The following AGBL4 variants were observed in gnomAD, a reference collection of about 807,000 sequenced individuals.
The protein encoded by AGBL4 is AGBL carboxypeptidase 4.
AGBL4 carries 58 observed loss-of-function variants against 66.4 expected under a neutral mutation model. That is an observed-to-expected ratio of 0.87 (90% confidence interval 0.71 to 1.09). The LOEUF is 1.09. Among genes scored for constraint, AGBL4 ranks in the 50% least tolerant of loss-of-function variants. The pLI is 0.00. For synonymous variants in AGBL4, 234 were observed against 222.9 expected (o/e 1.05, Z -0.44); for missense variants, 579 against 631.0 (o/e 0.92, Z 0.88).
At chr1:49,874,824 G>C (rs1646937551) in intron 1 of AGBL4, among the ~76,000 whole-genome samples, 1 of 151,668 alleles carries the variant, frequency 6.6e-6, no homozygotes, top group Admixed American at 6.6e-5. Flanking sequence ...GTTTTGTTTT[G>C]TTTTATTACT....
intron 5 of AGBL4, among the ~76,000 whole-genome samples, chr1:49,018,982 A>T (rs1054489951): frequency 6.6e-6 from 1 of 152,162 alleles, no homozygotes; most frequent in Non-Finnish European, 1.5e-5. Flanking sequence ...AACCAAAAAA[A>T]CAAACGATTC....
intron 3 of AGBL4, among the ~76,000 whole-genome samples, chr1:49,384,278 G>C (rs1304843215): frequency 6.6e-6 from 1 of 151,988 alleles, no homozygotes; most frequent in African/African-American, 2.4e-5. Flanking sequence ...AAATTCGGAA[G>C]AGACAATTGT....
At chr1:49,964,750 A>G (rs1321595383) in intron 1 of AGBL4, among the ~76,000 whole-genome samples, 1 of 152,162 alleles carries the variant, frequency 6.6e-6, no homozygotes, top group Non-Finnish European at 1.5e-5. Flanking sequence ...TGATTTCAAA[A>G]TTGATTAAAG....
intron 3 of AGBL4, among the ~76,000 whole-genome samples, chr1:49,557,586 C>G (rs971874543): frequency 6.6e-6 from 1 of 152,092 alleles, no homozygotes; most frequent in Non-Finnish European, 1.5e-5. Flanking sequence ...GAACTTCACC[C>G]AGCCCTAACC....
intron 6 of AGBL4, among the ~76,000 whole-genome samples, chr1:48,691,022 A>G (rs1487484306): frequency 2.6e-5 from 4 of 151,852 alleles, no homozygotes; most frequent in African/African-American, 9.7e-5. Flanking sequence ...AAAATTAGCC[A>G]GGTGTGGTGG....
chr1:48,704,985 G>A (rs1646859944), intron 6 of AGBL4, among the ~76,000 whole-genome samples: 1 of 152,178 alleles, frequency 6.6e-6, no homozygotes, highest in Non-Finnish European at 1.5e-5. Context: ...GCAATCATGT[G>A]AGTAATGCTT....
chr1:49,910,325 TGAA>T (rs1478511133), intron 1 of AGBL4, among the ~76,000 whole-genome samples: 1 of 151,756 alleles, frequency 6.6e-6, no homozygotes, highest in Non-Finnish European at 1.5e-5. Context: ...GTCAAGAAAA[TGAA>T]GAATGAGAAA....
chr1:49,398,195 T>TG (rs1351089815), intron 3 of AGBL4, among the ~76,000 whole-genome samples: 1 of 152,158 alleles, frequency 6.6e-6, no homozygotes, highest in African/African-American at 2.4e-5. Flanking sequence ...TCAGAAGAGA[T>TG]TAGCACTTGA....
intron 2 of AGBL4, among the ~76,000 whole-genome samples, chr1:49,739,536 A>C (rs1008803055): frequency 9.2e-5 from 14 of 152,212 alleles, no homozygotes; most frequent in African/African-American, 3.4e-4. Context: ...CAACATTCAG[A>C]TTCAGGAAAT....
At chr1:49,297,967 C>T (rs977087208) in intron 3 of AGBL4, among the ~76,000 whole-genome samples, 7 of 152,108 alleles carry the variant, frequency 4.6e-5, no homozygotes, top group South Asian at 4.1e-4. Context: ...CATCTGGATC[C>T]GCCCCCAACT....
intron 4 of AGBL4, among the ~76,000 whole-genome samples, chr1:49,232,247 C>T (rs1362214348): frequency 1.3e-5 from 2 of 152,082 alleles, no homozygotes; most frequent in East Asian, 3.9e-4. Context: ...CTTGATAAAG[C>T]CTTTATGAAA....
chr1:49,337,959 G>C (rs549983465), intron 3 of AGBL4, among the ~76,000 whole-genome samples: 32 of 152,270 alleles, frequency 2.1e-4, no homozygotes, highest in African/African-American at 7.5e-4. Flanking sequence ...GATCCATCAG[G>C]CTCCTGTGGG....
intron 4 of AGBL4, among the ~76,000 whole-genome samples, chr1:49,105,173 G>A (rs2148009179): frequency 6.6e-6 from 1 of 152,314 alleles, no homozygotes; most frequent in African/African-American, 2.4e-5. Context: ...AGCAAGTGCT[G>A]CCAGGTGGGA....
intron 5 of AGBL4, among the ~76,000 whole-genome samples, chr1:48,881,749 CTGAT>C (rs1279427302): frequency 6.6e-6 from 1 of 152,274 alleles, no homozygotes; most frequent in East Asian, 1.9e-4. Context: ...ATCAAAGACA[CTGAT>C]TGGGCCACCG....
intron 6 of AGBL4, among the ~76,000 whole-genome samples, chr1:48,828,464 ATTG>A (rs1010105912): frequency 1.3e-5 from 2 of 151,974 alleles, no homozygotes; most frequent in African/African-American, 4.8e-5. Context: ...GTATCTTCCT[ATTG>A]TTGCTAATCT....
chr1:49,625,436 C>G (rs1380897014), intron 3 of AGBL4, among the ~76,000 whole-genome samples: 1 of 152,168 alleles, frequency 6.6e-6, no homozygotes, highest in African/African-American at 2.4e-5. Flanking sequence ...GTCTGTTCCT[C>G]TTTCCTTGAC....
At chr1:49,458,776 G>A (rs1024740011) in intron 3 of AGBL4, among the ~76,000 whole-genome samples, 3 of 151,436 alleles carry the variant, frequency 2.0e-5, no homozygotes, top group Admixed American at 2.0e-4. Context: ...TAAAGGGATG[G>A]TGGATTTTGT....
intron 1 of AGBL4, among the ~76,000 whole-genome samples, chr1:49,913,632 A>G (rs1366680982): frequency 6.6e-6 from 1 of 152,252 alleles, no homozygotes; most frequent in African/African-American, 2.4e-5. Context: ...ACTAGGCTTT[A>G]CACTGATAAG....
chr1:49,277,728 G>T (rs1332686971), intron 3 of AGBL4, among the ~76,000 whole-genome samples: 1 of 126,952 alleles, frequency 7.9e-6, no homozygotes, highest in Non-Finnish European at 1.7e-5. Flanking sequence ...CAAATAAGTT[G>T]GCATAGCTGA....
Sources: gnomAD v4.1 joint callset for allele counts (sites outside exome capture counted in the v4.1 genomes callset) on GRCh38, gnomAD v4.1.1 for gene constraint, MANE v1.5 for transcripts, NCBI Gene and HGNC (gene_info 2026-07-23, HGNC 2026-07-21) for gene names.